Variants in TBC1D22A observed in about 807,000 individuals in gnomAD.
TBC1D22A encodes the protein TBC1 domain family member 22A, also known as putative GTPase activator.
A neutral mutation model predicts 60.2 loss-of-function variants in TBC1D22A; 38 were observed. That is an observed-to-expected ratio of 0.63 (90% confidence interval 0.49 to 0.83). The LOEUF (loss-of-function observed/expected upper bound fraction) is 0.83. TBC1D22A is among the 40% of genes least tolerant of loss of function. TBC1D22A has a pLI of 0.00. For synonymous variants in TBC1D22A, 302 were observed against 281.7 expected, an observed-to-expected ratio of 1.07 and a Z score of -0.72; for missense variants, 628 against 701.0, an observed-to-expected ratio of 0.90 and a Z score of 1.18.
chr22:46,802,397 T>C (rs971773615), intron 4 of TBC1D22A, among the ~76,000 whole-genome samples: 1 of 152,182 alleles, frequency 6.6e-6, no homozygotes, highest in East Asian at 1.9e-4. Flanking sequence ...TGGGGCGAGA[T>C]CTGCACGGAG....
intron 8 of TBC1D22A, among the ~76,000 whole-genome samples, chr22:46,936,515 G>A (rs375933443): frequency 2.0e-5 from 3 of 152,396 alleles, no homozygotes; most frequent in African/African-American, 4.8e-5. Flanking sequence ...GGCCAGGGCC[G>A]GCATTCCCAT....
At chr22:46,941,770 A>G (rs919449493) in intron 8 of TBC1D22A, among the ~76,000 whole-genome samples, 7 of 146,694 alleles carry the variant, frequency 4.8e-5, no homozygotes, top group African/African-American at 9.9e-5. Flanking sequence ...TATACGGAAT[A>G]TGTATACGGA....
At chr22:47,165,379 T>A (rs145213070) in intron 12 of TBC1D22A, among the ~76,000 whole-genome samples, 2 of 151,764 alleles carry the variant, frequency 1.3e-5, no homozygotes, top group African/African-American at 4.9e-5. Context: ...ACAGGGCGAG[T>A]TTCTGGAGCT....
intron 7 of TBC1D22A, among the ~76,000 whole-genome samples, chr22:46,900,207 A>G (rs9627616): frequency 0.11 from 16,538 of 149,598 alleles, 1,536 homozygotes; most frequent in African/African-American, 0.26. Flanking sequence ...GCTGGAGTGC[A>G]GTGGTGCGAT....
At chr22:47,117,737 A>G (rs1289096694) in intron 12 of TBC1D22A, among the ~76,000 whole-genome samples, 1 of 152,200 alleles carries the variant, frequency 6.6e-6, no homozygotes, top group African/African-American at 2.4e-5. Flanking sequence ...CTGTCTTTGT[A>G]TTAAACTTGA....
intron 12 of TBC1D22A, among the ~76,000 whole-genome samples, chr22:47,135,057 A>AC (rs760717382): frequency 1.1e-3 from 165 of 152,048 alleles, no homozygotes; most frequent in East Asian, 4.3e-3. Flanking sequence ...CCAGACTCAG[A>AC]CCCCCGCCCC....
intron 1 of TBC1D22A, among the ~76,000 whole-genome samples, chr22:46,772,156 T>C (rs1488050495): frequency 2.0e-3 from 8 of 3,974 alleles, no homozygotes; most frequent in African/African-American, 5.6e-3. Flanking sequence ...CATATACATA[T>C]ATATGTATAC....
intron 4 of TBC1D22A, among the ~76,000 whole-genome samples, chr22:46,811,741 G>A (rs903323386): frequency 2.6e-5 from 4 of 152,156 alleles, no homozygotes; most frequent in East Asian, 1.9e-4. Flanking sequence ...CCAGTCTGTC[G>A]CCCTGCAGGA....
intron 1 of TBC1D22A, among the ~76,000 whole-genome samples, chr22:46,772,623 CA>C (rs1483307396): frequency 4.9e-5 from 7 of 142,610 alleles, no homozygotes; most frequent in Admixed American, 1.4e-4. Flanking sequence ...TACATATATA[CA>C]CAAACACACA....
At chr22:46,972,804 A>T (rs1485272464) in intron 8 of TBC1D22A, among the ~76,000 whole-genome samples, 1 of 152,166 alleles carries the variant, frequency 6.6e-6, no homozygotes, top group Admixed American at 6.5e-5. Flanking sequence ...CAAAACCCAG[A>T]ACCAAATCAA....
intron 12 of TBC1D22A, among the ~76,000 whole-genome samples, chr22:47,160,747 C>T (rs1008046868): frequency 1.3e-5 from 2 of 152,238 alleles, no homozygotes; most frequent in Admixed American, 6.5e-5. Flanking sequence ...GACCAAGCCA[C>T]GGGGACCGAG....
At chr22:46,865,670 A>G (rs1375987073) in intron 4 of TBC1D22A, among the ~76,000 whole-genome samples, 1 of 152,190 alleles carries the variant, frequency 6.6e-6, no homozygotes, top group South Asian at 2.1e-4. Context: ...CTGCACAGGC[A>G]TGTCCACAGG....
chr22:46,793,100 C>T (rs1200358542), intron 2 of TBC1D22A, among the ~76,000 whole-genome samples: 1 of 152,264 alleles, frequency 6.6e-6, no homozygotes, highest in Non-Finnish European at 1.5e-5. Flanking sequence ...TTTAAATGAT[C>T]ATGTCTTCAA....
At chr22:47,030,478 C>T (rs192997092) in intron 10 of TBC1D22A, among the ~76,000 whole-genome samples, 1 of 152,342 alleles carries the variant, frequency 6.6e-6, no homozygotes, top group African/African-American at 2.4e-5. Context: ...TGTGGATCTG[C>T]TGTTTAAAGT....
intron 11 of TBC1D22A, among the ~76,000 whole-genome samples, chr22:47,053,961 T>C (rs530760044): frequency 6.6e-6 from 1 of 152,316 alleles, no homozygotes; most frequent in East Asian, 1.9e-4. Flanking sequence ...CACTTCTCTG[T>C]TGTACAGAGG....
At chr22:46,771,601 T>A (rs2083481149) in intron 1 of TBC1D22A, among the ~76,000 whole-genome samples, 2 of 151,664 alleles carry the variant, frequency 1.3e-5, no homozygotes, top group South Asian at 4.2e-4. Context: ...ACTTACTATT[T>A]TTTTTTTTTT....
At chr22:47,152,753 G>A (rs879349579) in intron 12 of TBC1D22A, among the ~76,000 whole-genome samples, 33 of 152,296 alleles carry the variant, frequency 2.2e-4, no homozygotes, top group Admixed American at 2.6e-4. Context: ...GCCCGGGCAC[G>A]GGGCCTCTGA....
intron 9 of TBC1D22A, among the ~76,000 whole-genome samples, chr22:46,993,696 A>G (rs1014342064): frequency 3.3e-5 from 5 of 152,166 alleles, no homozygotes; most frequent in African/African-American, 1.2e-4. Flanking sequence ...AGCTGCTGGG[A>G]GGGCCTGGGC....
chr22:47,108,568 A>G (rs2065725609), intron 11 of TBC1D22A, among the ~76,000 whole-genome samples: 1 of 152,270 alleles, frequency 6.6e-6, no homozygotes, highest in Non-Finnish European at 1.5e-5. Flanking sequence ...AGGATTTACA[A>G]ATGGGCACAA....
Sources: gnomAD v4.1 joint callset for allele counts (sites outside exome capture counted in the v4.1 genomes callset) on GRCh38, gnomAD v4.1.1 for gene constraint, MANE v1.5 for transcripts, NCBI Gene and HGNC (gene_info 2026-07-23, HGNC 2026-07-21) for gene names.